NRG2: variants seen among roughly 807,000 people sequenced by gnomAD.
NRG2 encodes the protein pro-neuregulin-2, membrane-bound isoform.
Under a neutral mutation model 73.9 loss-of-function variants are expected in NRG2, and 27 were observed. That is an observed-to-expected ratio of 0.37 (90% CI 0.27 to 0.50). The LOEUF is 0.50. Among genes scored for constraint, NRG2 ranks in the 20% least tolerant of loss-of-function variants. The probability of loss-of-function intolerance (pLI) is 0.96; values close to 1 mark genes in which losing one functional copy is unlikely to be tolerated. For synonymous variants in NRG2, 532 were observed against 541.0 expected (o/e 0.98, Z 0.23); for missense variants, 1,126 against 1,210.1 (o/e 0.93, Z 1.03).
At chr5:139,898,200 G>T (rs1764668208) in intron 1 of NRG2, among the ~76,000 whole-genome samples, 2 of 152,260 alleles carry the variant, frequency 1.3e-5, no homozygotes, top group Admixed American at 1.3e-4. Context: ...ATGAGCAAGA[G>T]TTTGCTAAGA....
chr5:139,918,398 T>C (rs1751422887), intron 1 of NRG2, among the ~76,000 whole-genome samples: 1 of 151,958 alleles, frequency 6.6e-6, no homozygotes, highest in African/African-American at 2.4e-5. Context: ...CTTTTTTAGC[T>C]AAAAAAAACT....
chr5:140,010,703 C>T (rs1759296043), intron 1 of NRG2, among the ~76,000 whole-genome samples: 1 of 152,150 alleles, frequency 6.6e-6, no homozygotes, highest in African/African-American at 2.4e-5. Context: ...CTTAAGGTCA[C>T]AGGTGAAGGT....
At chr5:139,949,493 T>C (rs933084333) in intron 1 of NRG2, among the ~76,000 whole-genome samples, 2 of 152,176 alleles carry the variant, frequency 1.3e-5, no homozygotes, top group Non-Finnish European at 2.9e-5. Flanking sequence ...TAAGTACAAG[T>C]AAGGCATAAA....
chr5:140,020,320 T>TTTGTGAATAGCTGATTTC (rs1219524166), intron 1 of NRG2, among the ~76,000 whole-genome samples: 14 of 152,206 alleles, frequency 9.2e-5, no homozygotes, highest in Non-Finnish European at 2.1e-4. Flanking sequence ...AAAGAAAAGC[T>TTTGTGAATAGCTGATTTC]TTGTGAATAG....
intron 3 of NRG2, among the ~76,000 whole-genome samples, chr5:139,872,310 G>A (rs933127466): frequency 6.6e-6 from 1 of 152,228 alleles, no homozygotes; most frequent in African/African-American, 2.4e-5. Flanking sequence ...GTGGACCAGG[G>A]AGTGGCTGGA....
intron 4 of NRG2, among the ~76,000 whole-genome samples, chr5:139,867,801 AGTGTGTGTGTGT>A (rs1202470798): frequency 1.4e-4 from 11 of 79,530 alleles, no homozygotes; most frequent in South Asian, 4.3e-4. Context: ...TGTGTGTATG[AGTGTGTGTGTGT>A]GTGTGTGTGT....
intron 1 of NRG2, among the ~76,000 whole-genome samples, chr5:139,969,375 A>C (rs1220132681): frequency 2.6e-5 from 4 of 152,244 alleles, no homozygotes; most frequent in Non-Finnish European, 5.9e-5. Flanking sequence ...AGGGACAGAC[A>C]TAAGGCTAAC....
intron 1 of NRG2, among the ~76,000 whole-genome samples, chr5:139,918,432 A>G (rs1028203151): frequency 6.6e-6 from 1 of 152,224 alleles, no homozygotes; most frequent in Non-Finnish European, 1.5e-5. Flanking sequence ...CAATTATTAC[A>G]TCTCTTCTTT....
rs982978521 is a variant in NRG2 at position 139,921,675 on chromosome 5, A to C, written c.701-34164T>G. ...ACTACTAGAAGATGACATAGGAGAAAATCTAGATGACCTTGGGTTTGGCAA... is the reference window on the plus strand; with the variant it reads ...ACTACTAGAAGATGACATAGGAGAACATCTAGATGACCTTGGGTTTGGCAA... On this transcript the variant is annotated intron_variant, in intron 1 of 9. Transcript: ENST00000361474. Among the ~76,000 whole-genome samples the C allele has an allele frequency of 1.2e-4, 19 of 152,222 alleles. 1 individual carries two copies. Among genetic ancestry groups the C allele is most frequent in the Admixed American group, 1.2e-3 (19 of 15,288 alleles).
intron 1 of NRG2, among the ~76,000 whole-genome samples, chr5:139,981,912 G>A (rs1431908958): frequency 6.6e-6 from 1 of 152,182 alleles, no homozygotes; most frequent in East Asian, 1.9e-4. Flanking sequence ...GGAGGCATGG[G>A]AAGAAAAATG....
At chr5:139,862,881 A>G (rs1762245190) in intron 5 of NRG2, among the ~76,000 whole-genome samples, 1 of 152,270 alleles carries the variant, frequency 6.6e-6, no homozygotes, top group South Asian at 2.1e-4. Flanking sequence ...TGGAAGAAAG[A>G]AAAGCTTCAA....
chr5:139,862,229 T>A (rs542475707), intron 5 of NRG2, among the ~76,000 whole-genome samples: 1 of 152,208 alleles, frequency 6.6e-6, no homozygotes, highest in African/African-American at 2.4e-5. Flanking sequence ...CAGCTGCAGC[T>A]TCTAGGGCTC....
intron 1 of NRG2, among the ~76,000 whole-genome samples, chr5:139,934,516 T>G (rs1035735005): frequency 1.3e-5 from 2 of 150,758 alleles, no homozygotes; most frequent in Non-Finnish European, 3.0e-5. Flanking sequence ...AATGTAAAAC[T>G]AACGAGCCAG....
At chr5:139,848,821 G>T in intron 9 of NRG2, 124 bp from the exon 10 acceptor site, 1 of 877,292 alleles carries the variant, frequency 1.1e-6, no homozygotes, top group Non-Finnish European at 1.6e-6. Context: ...CCGAGACCCC[G>T]CCTGCAAGAA....
At chr5:139,941,323 C>A (rs1483636158) in intron 1 of NRG2, among the ~76,000 whole-genome samples, 1 of 151,136 alleles carries the variant, frequency 6.6e-6, no homozygotes, top group African/African-American at 2.4e-5. Flanking sequence ...AACATATAAT[C>A]ATTGAATACT....
intron 1 of NRG2, among the ~76,000 whole-genome samples, chr5:139,994,911 G>C (rs982873266): frequency 2.0e-5 from 3 of 152,174 alleles, no homozygotes; most frequent in East Asian, 1.9e-4. Flanking sequence ...GAACTACAAG[G>C]GTTTTAAGAA....
chr5:139,867,207 G>A (rs1289556041), intron 4 of NRG2, among the ~76,000 whole-genome samples: 4 of 152,236 alleles, frequency 2.6e-5, no homozygotes, highest in Non-Finnish European at 4.4e-5. Flanking sequence ...AAATCTGGAG[G>A]AGTGGGGAAT....
At chr5:139,878,308 C>G (rs1299471284) in intron 3 of NRG2, among the ~76,000 whole-genome samples, 1 of 152,234 alleles carries the variant, frequency 6.6e-6, no homozygotes, top group Non-Finnish European at 1.5e-5. Flanking sequence ...AGTGACTGGT[C>G]AAGTGGGTCA....
In NRG2 at chr5:139,904,246, T is replaced by C; in HGVS notation, c.701-16735A>G. The C allele has an allele frequency of 6.5e-7, 1 of 1,532,868 alleles. No homozygotes were observed. Among genetic ancestry groups the C allele is most frequent in the Non-Finnish European group, 8.7e-7 (1 of 1,145,474 alleles). The allele number at this position is 1,532,868 out of a possible 1,614,324, so 95.0% of individuals were successfully genotyped here. A position where few individuals can be genotyped will look rare whatever the true frequency, so the allele number is the denominator to read the frequency against. ...TCACCCGCGCTGCGCTGGGGGCGGGTGAGCGGGCGGCAGGTTTCTCCCAGG... is the reference window on the plus strand; with the variant it reads ...TCACCCGCGCTGCGCTGGGGGCGGGCGAGCGGGCGGCAGGTTTCTCCCAGG... On this transcript the variant is annotated intron_variant, in intron 1 of 9. Transcript: ENST00000361474. This position sits in a 1 kb window ranked among gnomAD's most constrained non-coding sequence, Gnocchi z 6.0.
Sources: gnomAD v4.1 joint callset for allele counts (sites outside exome capture counted in the v4.1 genomes callset) on GRCh38, gnomAD v4.1.1 for gene constraint, Gnocchi (gnomAD v3.1) non-coding constraint, MANE v1.5 for transcripts, NCBI Gene and HGNC (gene_info 2026-07-23, HGNC 2026-07-21) for gene names.